CNTN1: variants seen among roughly 807,000 people sequenced by gnomAD.
CNTN1 encodes contactin 1.
A neutral mutation model predicts 126.4 loss-of-function variants in CNTN1; 38 were observed. The observed-to-expected ratio is 0.30, with a 90% CI of 0.23 to 0.39. The LOEUF is 0.39. CNTN1 is among the 10% of genes least tolerant of loss of function. CNTN1 has a pLI of 1.00. For missense variants in CNTN1, 1,009 were observed against 1,248.4 expected (o/e 0.81, Z 2.89); for synonymous variants, 413 against 422.6 (o/e 0.98, Z 0.28).
At chr12:40,729,638 G>T in intron 1 of CNTN1, 1 of 222,372 alleles carries the variant, frequency 4.5e-6, no homozygotes. Context: ...CGAGCATGGA[G>T]TCCACAAACT....
chr12:40,783,303 C>G (rs1048101193), intron 1 of CNTN1, among the ~76,000 whole-genome samples: 1 of 151,900 alleles, frequency 6.6e-6, no homozygotes, highest in African/African-American at 2.4e-5. Flanking sequence ...ATCAGATGAA[C>G]AGTTTTGAAT....
At chr12:41,043,325 C>G (rs1293923519) in intron 23 of CNTN1, among the ~76,000 whole-genome samples, 1 of 152,006 alleles carries the variant, frequency 6.6e-6, no homozygotes, top group Non-Finnish European at 1.5e-5. Context: ...ACAACCCCAT[C>G]AAAAAGTGGG....
intron 1 of CNTN1, among the ~76,000 whole-genome samples, chr12:40,785,299 C>T (rs992395420): frequency 6.6e-6 from 1 of 152,072 alleles, no homozygotes; most frequent in African/African-American, 2.4e-5. Flanking sequence ...CCAGCATCTC[C>T]TCAGTTTCTG....
intron 1 of CNTN1, among the ~76,000 whole-genome samples, chr12:40,855,965 C>G (rs1191989840): frequency 6.6e-6 from 1 of 152,090 alleles, no homozygotes; most frequent in Non-Finnish European, 1.5e-5. Flanking sequence ...CAGTATTTCT[C>G]AACATTTATA....
intron 1 of CNTN1, among the ~76,000 whole-genome samples, chr12:40,868,704 T>C (rs1009607756): frequency 6.6e-6 from 1 of 152,086 alleles, no homozygotes; most frequent in Non-Finnish European, 1.5e-5. Flanking sequence ...TGGCTGATTG[T>C]ACTGCATCCC....
intron 14 of CNTN1, among the ~76,000 whole-genome samples, chr12:40,958,552 G>C (rs1361376797): frequency 2.0e-5 from 3 of 152,000 alleles, no homozygotes; most frequent in African/African-American, 4.8e-5. Context: ...CAATAGAATA[G>C]AGCATTGAAC....
rs550609188 is a variant in CNTN1, at chr12:40,976,991, G to A, written c.1805-3918G>A. 5.4e-4 allele frequency among the ~76,000 whole-genome samples: 82 copies of A among 152,248 alleles called. 2 individuals carry two copies. Among genetic ancestry groups the A allele is most frequent in the African/African-American group, 1.8e-3 (76 of 41,548 alleles). On this transcript the variant is annotated intron_variant, in intron 15 of 23. Coordinates refer to ENST00000551295, the MANE Select transcript of CNTN1 (RefSeq NM_001843.4). The stretch of plus-strand genomic sequence containing the variant: ...GTCTCAAGAAAGTTTATTTTGCCAA[G>A]GTTATGAATGCACCTGTGACACAGC...
At chr12:40,755,190 C>CAAAAAAAAAAAAAAA (rs557970110) in intron 1 of CNTN1, among the ~76,000 whole-genome samples, 9 of 78,200 alleles carry the variant, frequency 1.2e-4, no homozygotes, top group African/African-American at 2.2e-4. Flanking sequence ...GACCCCACCT[C>CAAAAAAAAAAAAAAA]AAAAAAAAAA....
chr12:41,048,156 T>G (rs1029615420), intron 23 of CNTN1, among the ~76,000 whole-genome samples: 2 of 152,190 alleles, frequency 1.3e-5, no homozygotes, highest in African/African-American at 4.8e-5. Flanking sequence ...GCCTACACTT[T>G]CATGGCTAAA....
intron 9 of CNTN1, among the ~76,000 whole-genome samples, chr12:40,936,149 A>G (rs1405534596): frequency 2.0e-5 from 3 of 152,010 alleles, no homozygotes; most frequent in Non-Finnish European, 4.4e-5. Flanking sequence ...TCTCATTTTT[A>G]TGGATGTCTC....
At chr12:40,720,035 T>G (rs1250152171) in intron 1 of CNTN1, among the ~76,000 whole-genome samples, 8 of 143,222 alleles carry the variant, frequency 5.6e-5, no homozygotes, top group Non-Finnish European at 1.1e-4. Context: ...GTATTTTTAG[T>G]AGAGATGGGG....
At chr12:40,694,036 C>G (rs7967298) in intron 1 of CNTN1, among the ~76,000 whole-genome samples, 99,697 of 152,032 alleles carry the variant, frequency 0.66, 33,009 homozygotes, top group East Asian at 0.86. Context: ...ACCTTACCAG[C>G]CCGAAGTGTA....
At chr12:40,705,850 T>C (rs1046770696) in intron 1 of CNTN1, among the ~76,000 whole-genome samples, 1 of 152,140 alleles carries the variant, frequency 6.6e-6, no homozygotes, top group Non-Finnish European at 1.5e-5. Context: ...AGCAGGTATC[T>C]CACATGGCAG....
intron 14 of CNTN1, among the ~76,000 whole-genome samples, chr12:40,947,007 A>C (rs1322653875): frequency 3.3e-5 from 5 of 152,088 alleles, no homozygotes; most frequent in East Asian, 1.9e-4. Context: ...GTAACTGTAC[A>C]TTTTTAAAGA....
chr12:40,873,972 C>A (rs1592189668), intron 1 of CNTN1, among the ~76,000 whole-genome samples: 1 of 152,122 alleles, frequency 6.6e-6, no homozygotes, highest in African/African-American at 2.4e-5. Context: ...GCACAGGGAG[C>A]TGACCTTGAA....
intron 1 of CNTN1, among the ~76,000 whole-genome samples, chr12:40,894,626 AT>A (rs943720374): frequency 6.6e-6 from 1 of 152,022 alleles, no homozygotes; most frequent in Admixed American, 6.6e-5. Flanking sequence ...CTAGAGACCC[AT>A]TTTTTCTCCA....
chr12:41,013,878 A>T (rs1948723887), intron 17 of CNTN1, among the ~76,000 whole-genome samples: 1 of 152,256 alleles, frequency 6.6e-6, no homozygotes, highest in Admixed American at 6.5e-5. Context: ...TGAAGCATGA[A>T]ACTAACACAA....
intron 1 of CNTN1, among the ~76,000 whole-genome samples, chr12:40,845,827 C>T (rs1407433151): frequency 1.3e-5 from 2 of 152,134 alleles, no homozygotes; most frequent in African/African-American, 4.8e-5. Flanking sequence ...CTATGTATCT[C>T]TTCTATTTGT....
At chr12:40,928,952 T>C (rs1237064864) in intron 6 of CNTN1, among the ~76,000 whole-genome samples, 1 of 151,994 alleles carries the variant, frequency 6.6e-6, no homozygotes, top group Non-Finnish European at 1.5e-5. Flanking sequence ...GATTCCCACT[T>C]ATATTCTTCC....
Sources: allele counts gnomAD v4.1 joint callset (sites outside exome capture counted in the v4.1 genomes callset), GRCh38; gene constraint gnomAD v4.1.1; transcripts MANE v1.5; gene names NCBI Gene and HGNC (gene_info 2026-07-23, HGNC 2026-07-21).